Variants in SFRP1 observed in about 807,000 individuals in gnomAD.
SFRP1 encodes the protein secreted frizzled-related protein 1.
A neutral mutation model predicts 25.9 loss-of-function variants in SFRP1; 9 were observed. The observed-to-expected ratio is 0.35, with a 90% CI of 0.21 to 0.61. The LOEUF (loss-of-function observed/expected upper bound fraction) is 0.61. Ranked by LOEUF, SFRP1 falls within the 20% of genes least tolerant of loss-of-function variation. The pLI is 0.78. For synonymous variants in SFRP1, 178 were observed against 174.0 expected (o/e 1.02, Z -0.18); for missense variants, 346 against 418.2 (o/e 0.83, Z 1.51).
rs757083203 is a variant in SFRP1, at chr8:41,308,679, G to A, written c.481C>T (p.Pro161Ser). 5 of 1,611,188 alleles carry A rather than the reference G, an allele frequency of 3.1e-6. No individual in the cohort carries two copies. The highest frequency in any genetic ancestry group is 3.4e-6 in the Non-Finnish European group (4 of 1,178,494). The change falls in exon 1 of 3, where the codon CCC becomes TCC. Residue 161 changes from proline (P) to serine (S), a missense_variant. Transcript: ENST00000220772. ...WPEMLKCDKF[P>S]EGDVCIAMTP... Reference sequence around the variant, plus strand: ...ATGGCGATGCAGACGTCCCCCTCGGGGAACTTGTCACACTTAAGCATCTCG... The same window carrying A: ...ATGGCGATGCAGACGTCCCCCTCGGAGAACTTGTCACACTTAAGCATCTCG...
chr8:41,271,111 C>A (rs960143292), intron 2 of SFRP1: 2 of 154,096 alleles, frequency 1.3e-5, no homozygotes, highest in Non-Finnish European at 2.9e-5. Context: ...CTGCAAAAAC[C>A]GTAGTTACTT....
At chr8:41,285,432 A>G (rs1336844971) in intron 2 of SFRP1, among the ~76,000 whole-genome samples, 6 of 152,128 alleles carry the variant, frequency 3.9e-5, no homozygotes, top group Non-Finnish European at 7.3e-5. Context: ...TCTTCCACAA[A>G]TGCAAGCAAG....
intron 1 of SFRP1, chr8:41,307,017 G>A (rs893769110): frequency 1.8e-5 from 26 of 1,444,328 alleles, no homozygotes; most frequent in Middle Eastern, 2.5e-4. Flanking sequence ...AGAGACCATC[G>A]GAAGCCATTG....
At chr8:41,288,941 C>T (rs776110462) in intron 2 of SFRP1, among the ~76,000 whole-genome samples, 60 of 152,252 alleles carry the variant, frequency 3.9e-4, no homozygotes, top group Non-Finnish European at 5.3e-4. Flanking sequence ...GGCGCTGGGG[C>T]CAGGATGTCC....
chr8:41,271,279 G>T (rs546524190), intron 2 of SFRP1: 1 of 154,130 alleles, frequency 6.5e-6, no homozygotes, highest in South Asian at 2.0e-4. Flanking sequence ...GGGCTGGCAA[G>T]TATTTAAGGA....
intron 2 of SFRP1, among the ~76,000 whole-genome samples, chr8:41,279,143 C>A (rs554664491): frequency 4.5e-4 from 69 of 152,228 alleles, no homozygotes; most frequent in African/African-American, 1.6e-3. Flanking sequence ...CAAAACGCAT[C>A]CAATCTCTGT....
At chr8:41,298,415 AT>A (rs10708356) in intron 2 of SFRP1, 94,420 of 150,924 alleles carry the variant, frequency 0.63, 29,749 homozygotes, top group Middle Eastern at 0.73. Context: ...CAATTACACA[AT>A]TTTTTTTTTT....
intron 2 of SFRP1, among the ~76,000 whole-genome samples, chr8:41,277,749 T>C (rs1803588350): frequency 1.3e-5 from 2 of 152,214 alleles, no homozygotes. Flanking sequence ...ACTATAAGCA[T>C]GAGCCACCAC....
chr8:41,308,163 C>G (rs545175183), intron 1 of SFRP1, among the ~76,000 whole-genome samples: 23 of 152,372 alleles, frequency 1.5e-4, no homozygotes, highest in African/African-American at 5.3e-4. Context: ...ATTCTCTCGG[C>G]CTTTCTGAAC....
intron 2 of SFRP1, among the ~76,000 whole-genome samples, chr8:41,278,544 T>C (rs1169109064): frequency 6.6e-6 from 1 of 152,190 alleles, no homozygotes. Context: ...TCCCTGTCTT[T>C]GAAATCCAGT....
chr8:41,304,885 G>C (rs1033146957), intron 1 of SFRP1, among the ~76,000 whole-genome samples: 1 of 151,974 alleles, frequency 6.6e-6, no homozygotes, highest in Non-Finnish European at 1.5e-5. Context: ...CTGCACCCAG[G>C]AGCAAACACC....
intron 2 of SFRP1, among the ~76,000 whole-genome samples, chr8:41,271,767 C>T (rs908089788): frequency 6.6e-6 from 1 of 151,890 alleles, no homozygotes; most frequent in Non-Finnish European, 1.5e-5. Context: ...GAGTTAGAGA[C>T]CAGCCTGGGC....
chr8:41,272,863 C>T (rs1337543110), intron 2 of SFRP1, among the ~76,000 whole-genome samples: 1 of 152,138 alleles, frequency 6.6e-6, no homozygotes, highest in Non-Finnish European at 1.5e-5. Context: ...TTAAACAACA[C>T]CCAGCTCAAA....
At chr8:41,287,379 C>T (rs926680999) in intron 2 of SFRP1, among the ~76,000 whole-genome samples, 10 of 152,344 alleles carry the variant, frequency 6.6e-5, no homozygotes, top group South Asian at 2.1e-4. Context: ...ATGGCCGAAG[C>T]GATGCTGAGC....
chr8:41,265,003 A>G lies in SFRP1; in HGVS notation c.*164T>C. On this transcript the variant is annotated 3_prime_UTR_variant, in exon 3 of 3. Transcript: ENST00000220772. ...CTACCCTGGGGTTTGGAGCGTGGCT[A>G]TGGAGGGAAGGGAGCGGGAATGCTG... 1.7e-6 allele frequency: 1 copy of G among 604,952 alleles called. No homozygotes were observed. Among genetic ancestry groups the G allele is most frequent in the Non-Finnish European group, 2.9e-6 (1 of 346,168 alleles). The allele number at this position is 604,952 out of a possible 1,614,324, so 37.5% of individuals were successfully genotyped here.
intron 2 of SFRP1, among the ~76,000 whole-genome samples, chr8:41,296,476 C>A (rs1329297586): frequency 6.7e-6 from 1 of 149,082 alleles, no homozygotes; most frequent in Non-Finnish European, 1.5e-5. Context: ...GGGCAATGAT[C>A]TGACATTTCT....
chr8:41,304,997 G>A (rs1038723395), intron 1 of SFRP1, among the ~76,000 whole-genome samples: 2 of 152,124 alleles, frequency 1.3e-5, no homozygotes, highest in South Asian at 2.1e-4. Flanking sequence ...CAGAACTTGA[G>A]ACTGGGTTCT....
At chr8:41,307,575 G>A (rs1342142889) in intron 1 of SFRP1, among the ~76,000 whole-genome samples, 4 of 152,166 alleles carry the variant, frequency 2.6e-5, no homozygotes, top group African/African-American at 9.7e-5. Context: ...GCGCAGCTGG[G>A]GTACAGCTCC....
chr8:41,305,737 C>A (rs1213283079), intron 1 of SFRP1, among the ~76,000 whole-genome samples: 1 of 152,226 alleles, frequency 6.6e-6, no homozygotes, highest in African/African-American at 2.4e-5. Context: ...GAGGAGACAG[C>A]CCAACAGCTG....
Sources: gnomAD v4.1 joint callset for allele counts (sites outside exome capture counted in the v4.1 genomes callset) on GRCh38, gnomAD v4.1.1 for gene constraint, MANE v1.5 for transcripts, NCBI Gene and HGNC (gene_info 2026-07-23, HGNC 2026-07-21) for gene names.